Variants in TTC39C observed in about 807,000 individuals in gnomAD.
The protein encoded by TTC39C is tetratricopeptide repeat protein 39C.
TTC39C carries 33 observed loss-of-function variants against 76.3 expected under a neutral mutation model. The observed-to-expected ratio is 0.43, with a 90% CI of 0.33 to 0.58. The LOEUF (loss-of-function observed/expected upper bound fraction) is 0.58. Among genes scored for constraint, TTC39C ranks in the 20% least tolerant of loss-of-function variants. TTC39C has a pLI of 0.04. For missense variants in TTC39C, 595 were observed against 701.4 expected (o/e 0.85, Z 1.71); for synonymous variants, 254 against 260.6 (o/e 0.97, Z 0.24).
At chr18:24,124,928 C>T (rs1201300513) in intron 9 of TTC39C, among the ~76,000 whole-genome samples, 1 of 152,168 alleles carries the variant, frequency 6.6e-6, no homozygotes. Flanking sequence ...GTTTTGCTCT[C>T]ATTGCTCAGG....
chr18:24,116,819 GTTTTTTTT>G (rs767138108), intron 7 of TTC39C, among the ~76,000 whole-genome samples: 3 of 95,070 alleles, frequency 3.2e-5, no homozygotes, highest in Non-Finnish European at 5.9e-5. Flanking sequence ...TGATACCTTA[GTTTTTTTT>G]TTTTTTTTTT....
chr18:24,121,167 G>C (rs561545214), intron 8 of TTC39C, among the ~76,000 whole-genome samples: 30 of 152,140 alleles, frequency 2.0e-4, no homozygotes, highest in Admixed American at 1.0e-3. Flanking sequence ...TAACATATGG[G>C]ATTGTGTATA....
At chr18:24,129,721 C>T (rs2085098237) in intron 11 of TTC39C, among the ~76,000 whole-genome samples, 1 of 146,414 alleles carries the variant, frequency 6.8e-6, no homozygotes, top group African/African-American at 2.5e-5. Context: ...TTGCAGCGAG[C>T]TGAGATCATA....
intron 8 of TTC39C, among the ~76,000 whole-genome samples, chr18:24,122,372 T>G (rs1472140366): frequency 6.6e-6 from 1 of 151,134 alleles, no homozygotes; most frequent in Non-Finnish European, 1.5e-5. Context: ...CATGGTGGCA[T>G]GTGCCTGTAG....
chr18:24,128,982 A>G lies in TTC39C; in HGVS notation c.1517A>G (p.Gln506Arg), dbSNP rs1446246993. The change falls in exon 11 of 14, where the codon CAG becomes CGG. Residue 506 changes from glutamine to arginine, a missense_variant and splice_region_variant. Physicochemically the swap from Gln to Arg is conservative, Grantham distance 43. Transcript: ENST00000317571. Reference sequence around the variant, plus strand: ...CTAGGAAACTCAGAAGATGCTGTTCAGGTAAACTGTTAATGTTGTCAGGGC... The same window carrying G: ...CTAGGAAACTCAGAAGATGCTGTTCGGGTAAACTGTTAATGTTGTCAGGGC... The part of the protein sequence containing the change: ...KCLGNSEDAV[Q>R]YFQRAVKDEL... 1 of 1,612,322 alleles carries G rather than the reference A, an allele frequency of 6.2e-7. No individual in the cohort carries two copies.
At chr18:24,040,437 A>G (rs1356340629) in intron 1 of TTC39C, among the ~76,000 whole-genome samples, 1 of 152,218 alleles carries the variant, frequency 6.6e-6, no homozygotes, top group Non-Finnish European at 1.5e-5. Context: ...ACCCTAACGT[A>G]ACTTTTAAAG....
At chr18:24,086,637 A>G (rs551970815) in intron 6 of TTC39C, among the ~76,000 whole-genome samples, 1 of 152,290 alleles carries the variant, frequency 6.6e-6, no homozygotes, top group Admixed American at 6.5e-5. Context: ...CTCTTTGCCA[A>G]ACTGCAGAAA....
intron 1 of TTC39C, among the ~76,000 whole-genome samples, chr18:24,049,877 ATG>A (rs1555770532): frequency 6.6e-6 from 1 of 152,232 alleles, no homozygotes; most frequent in Non-Finnish European, 1.5e-5. Context: ...CTTAATTTTT[ATG>A]TTGCTACTTT....
At chr18:24,094,427 G>C (rs574761547) in intron 6 of TTC39C, among the ~76,000 whole-genome samples, 1 of 152,240 alleles carries the variant, frequency 6.6e-6, no homozygotes, top group East Asian at 1.9e-4. Flanking sequence ...GTTCTTAATG[G>C]TGTTTACAAT....
At chr18:24,078,826 G>A (rs1255383086) in intron 4 of TTC39C, among the ~76,000 whole-genome samples, 1 of 152,182 alleles carries the variant, frequency 6.6e-6, no homozygotes, top group East Asian at 1.9e-4. Context: ...GGTGCACACA[G>A]TGAGCCACTC....
intron 1 of TTC39C, among the ~76,000 whole-genome samples, chr18:24,008,321 TC>T (rs1568402045): frequency 6.6e-6 from 1 of 152,206 alleles, no homozygotes. Context: ...CAAAATAGAT[TC>T]ATATACTTTG....
Position 24,102,320 on chromosome 18 carries a change from G to T in TTC39C, c.985-12234G>T, listed in dbSNP as rs552991932. On this transcript the variant is annotated intron_variant, in intron 6 of 13. Coordinates refer to ENST00000317571, the MANE Select transcript of TTC39C (RefSeq NM_001135993.2). ...AGTTGCATAACTCACTTTTCAAGGT[G>T]ATTGCTATTCATTCACGTGGAGATG... Among the ~76,000 whole-genome samples the T allele has an allele frequency of 3.9e-5, 6 of 152,298 alleles. No homozygotes were observed. The East Asian group carries it at 1.2e-3, about 29-fold the overall frequency.
chr18:24,062,760 C>T (rs1452909098), intron 1 of TTC39C, among the ~76,000 whole-genome samples: 1 of 152,228 alleles, frequency 6.6e-6, no homozygotes, highest in Non-Finnish European at 1.5e-5. Context: ...GGATCTCACA[C>T]ACACTGTCTT....
intron 8 of TTC39C, among the ~76,000 whole-genome samples, chr18:24,119,963 TCC>T (rs11429659): frequency 4.1e-5 from 6 of 146,986 alleles, no homozygotes; most frequent in African/African-American, 7.4e-5. Context: ...GAACATTAAT[TCC>T]CCCCCCCCAA....
At chr18:24,031,539 C>A (rs1420636004) in intron 1 of TTC39C, among the ~76,000 whole-genome samples, 1 of 152,136 alleles carries the variant, frequency 6.6e-6, no homozygotes, top group African/African-American at 2.4e-5. Flanking sequence ...CCTCTCTCAC[C>A]TTTATTGTCT....
At chr18:24,115,626 A>C (rs1599340474) in intron 7 of TTC39C, among the ~76,000 whole-genome samples, 1 of 152,156 alleles carries the variant, frequency 6.6e-6, no homozygotes, top group African/African-American at 2.4e-5. Context: ...AGCAGTTGAC[A>C]CCTGTCAGTT....
intron 1 of TTC39C, among the ~76,000 whole-genome samples, chr18:24,054,607 G>A (rs2083993506): frequency 6.6e-6 from 1 of 152,142 alleles, no homozygotes; most frequent in South Asian, 2.1e-4. Context: ...GTTGAAAAGT[G>A]TAGGCAGAAC....
chr18:24,073,766 C>T (rs968313416), intron 4 of TTC39C, among the ~76,000 whole-genome samples: 8 of 152,328 alleles, frequency 5.3e-5, no homozygotes, highest in Non-Finnish European at 7.3e-5. Flanking sequence ...GCAATCCTTC[C>T]GCCTTGTCCT....
intron 4 of TTC39C, among the ~76,000 whole-genome samples, chr18:24,069,895 T>C (rs1307792831): frequency 6.6e-6 from 1 of 152,212 alleles, no homozygotes; most frequent in Non-Finnish European, 1.5e-5. Flanking sequence ...CTTTTAATTA[T>C]GTGGTTATGG....
Sources: gnomAD v4.1 joint callset for allele counts (sites outside exome capture counted in the v4.1 genomes callset) on GRCh38, gnomAD v4.1.1 for gene constraint, MANE v1.5 for transcripts, NCBI Gene and HGNC (gene_info 2026-07-23, HGNC 2026-07-21) for gene names.